TAX1BP1: variants seen among roughly 807,000 people sequenced by gnomAD.
TAX1BP1 encodes the protein Tax1 binding protein 1, also known as tax1-binding protein 1.
In TAX1BP1, 62 loss-of-function variants were observed where a neutral mutation model predicts 97.7. That is an observed-to-expected ratio of 0.63 (90% CI 0.52 to 0.78). The LOEUF is 0.78. TAX1BP1 is among the 30% of genes least tolerant of loss of function. The pLI, the probability that TAX1BP1 is intolerant of heterozygous loss-of-function variation, is 0.00. For missense variants in TAX1BP1, 867 were observed against 916.1 expected, an observed-to-expected ratio of 0.95 and a Z score of 0.69; for synonymous variants, 340 against 304.2, an observed-to-expected ratio of 1.12 and a Z score of -1.23.
At chr7:27,760,393 G>T (rs1199852359) in intron 3 of TAX1BP1, among the ~76,000 whole-genome samples, 1 of 135,510 alleles carries the variant, frequency 7.4e-6, no homozygotes, top group East Asian at 2.3e-4. Flanking sequence ...ATTTATTTTA[G>T]AATTTTTTTT....
At position 27,828,573 on chromosome 7, in the gene TAX1BP1, AGTT is replaced by A. The variant is rs756990457; in HGVS notation, c.2169-48_2169-46del. On this transcript the variant is annotated intron_variant, in intron 16 of 16. Coordinates refer to ENST00000396319, the MANE Select transcript of TAX1BP1 (RefSeq NM_006024.7). Reference sequence around the variant, plus strand: ...AATGGAACCTTGTCATATATGGACAAGTTGTTGTTCTACATTTATTAGAAACAT... The same window carrying A: ...AATGGAACCTTGTCATATATGGACAAGTTGTTCTACATTTATTAGAAACAT... The A allele has an allele frequency of 4.2e-4, 643 of 1,545,362 alleles. 2 individuals carry two copies. Among genetic ancestry groups the A allele is most frequent in the Non-Finnish European group, 5.3e-4 (592 of 1,122,636 alleles).
intron 1 of TAX1BP1, among the ~76,000 whole-genome samples, chr7:27,745,135 A>G (rs141033774): frequency 6.6e-6 from 1 of 152,332 alleles, no homozygotes; most frequent in East Asian, 1.9e-4. Context: ...GAGAAGGGGA[A>G]TCAGAATTTG....
intron 2 of TAX1BP1, among the ~76,000 whole-genome samples, chr7:27,749,117 T>C (rs968639507): frequency 6.6e-6 from 1 of 152,246 alleles, no homozygotes; most frequent in Non-Finnish European, 1.5e-5. Context: ...TACACAGTTT[T>C]AAGAGTATTC....
Position 27,765,871 on chromosome 7 carries a change from G to A in TAX1BP1, c.303G>A (p.Gln101=), listed in dbSNP as rs777668328. ...YLPNDDGEFY[Q]FCYVTHKGEI... is the part of the protein sequence containing the mutation. ...CAAATGATGATGGAGAATTTTATCA[G>A]TTCTGTTACGTTACCCATAAGGGTG... Residue 101 remains glutamine, a synonymous_variant, in exon 4 of 17, where the codon CAG becomes CAA. Transcript: ENST00000396319. The A allele has an allele frequency of 2.5e-6, 4 of 1,614,144 alleles. No homozygotes were observed. Among genetic ancestry groups the A allele is most frequent in the Non-Finnish European group, 2.5e-6 (3 of 1,180,024 alleles).
At chr7:27,783,437 G>A (rs1402693718) in intron 5 of TAX1BP1, among the ~76,000 whole-genome samples, 3 of 152,060 alleles carry the variant, frequency 2.0e-5, no homozygotes, top group Admixed American at 1.3e-4. Flanking sequence ...TTACTTTATC[G>A]TTTTCATGTG....
intron 10 of TAX1BP1, among the ~76,000 whole-genome samples, chr7:27,793,427 GA>G (rs1290848366): frequency 6.6e-6 from 1 of 152,030 alleles, no homozygotes; most frequent in East Asian, 1.9e-4. Flanking sequence ...CAGTAGCAAG[GA>G]AAAAACAGAA....
Position 27,816,402 on chromosome 7 carries a change from T to G in TAX1BP1, c.1818T>G (p.Asn606Lys). 1.9e-6 allele frequency: 3 copies of G among 1,586,270 alleles called. No individual in the cohort carries two copies. The highest frequency in any genetic ancestry group is 2.6e-6 in the Non-Finnish European group (3 of 1,172,422). Reference protein sequence around the residue: ...NPAERKMEGQNSQSPQCFKTC... With the variant: ...NPAERKMEGQKSQSPQCFKTC... Reference sequence around the variant, plus strand: ...CAGAAAGGAAAATGGAAGGTCAGAATTCCCAGAGTCCTCAATGTTTCAAAA... The same window carrying G: ...CAGAAAGGAAAATGGAAGGTCAGAAGTCCCAGAGTCCTCAATGTTTCAAAA... The change falls in exon 14 of 17, where the codon AAT (asparagine) becomes AAG (lysine). Residue 606 changes from asparagine to lysine, a missense_variant. This residue lies in a region of TAX1BP1 where 822 missense variants were observed against 851.4 expected (regional missense o/e 0.97). Transcript: ENST00000396319.
Position 27,828,815 on chromosome 7 carries a change from C to T in TAX1BP1, c.2356C>T (p.Leu786=). Residue 786 remains leucine, a synonymous_variant, in exon 17 of 17, where the codon CTA becomes TTA. Coordinates refer to ENST00000396319, the MANE Select transcript of TAX1BP1 (RefSeq NM_006024.7). ...HVQTHFDQNV[L]NFD is the part of the protein sequence containing the mutation. ...GCAGACCCATTTTGATCAGAATGTT[C>T]TAAATTTTGACTAGTTACTTTTTAT... is the stretch of plus-strand genomic sequence containing the variant. 1 of 1,507,204 alleles carries T rather than the reference C, an allele frequency of 6.6e-7. No homozygotes were observed. The highest frequency in any genetic ancestry group is 9.0e-7 in the Non-Finnish European group (1 of 1,112,630). 93.4% of individuals were successfully genotyped at this position (1,507,204 alleles called of 1,614,324 possible). A position where few individuals can be genotyped will look rare whatever the true frequency, so the allele number is the denominator to read the frequency against.
At chr7:27,740,056 G>C (rs925067793), upstream of TAX1BP1, 1 of 152,360 alleles carries the variant, frequency 6.6e-6, no homozygotes, top group African/African-American at 2.4e-5. Context: ...GGCTGGGGGC[G>C]TGTCGTCGCG....
At chr7:27,746,796 G>T (rs758620728) in intron 1 of TAX1BP1, among the ~76,000 whole-genome samples, 1 of 152,118 alleles carries the variant, frequency 6.6e-6, no homozygotes, top group Admixed American at 6.5e-5. Flanking sequence ...TGGTTTCCAG[G>T]TTCATGATTG....
intron 15 of TAX1BP1, among the ~76,000 whole-genome samples, chr7:27,821,432 A>G (rs1790969528): frequency 6.6e-6 from 1 of 151,992 alleles, no homozygotes; most frequent in Admixed American, 6.6e-5. Flanking sequence ...GGAGTTCGAG[A>G]CCAGCCTGGC....
At position 27,744,186 on chromosome 7, in the gene TAX1BP1, G is replaced by C. The variant is rs565554129; in HGVS notation, c.-8+3917G>C. ...GTCACCCAGGCTGGAGTGCAATGGC[G>C]TGATCTCAGCTCACTGCAGGCTCCG... On this transcript the variant is annotated intron_variant, in intron 1 of 16. Coordinates refer to ENST00000396319, the MANE Select transcript of TAX1BP1 (RefSeq NM_006024.7). Among the ~76,000 whole-genome samples, 18 of 152,156 alleles carry C rather than the reference G, an allele frequency of 1.2e-4. No homozygotes were observed. The South Asian group carries it at 3.7e-3, about 32-fold the overall frequency.
At chr7:27,784,443 A>T (rs1441669320) in intron 5 of TAX1BP1, among the ~76,000 whole-genome samples, 5 of 152,232 alleles carry the variant, frequency 3.3e-5, no homozygotes, top group Non-Finnish European at 5.9e-5. Flanking sequence ...GTGTCTTTGA[A>T]TATTTGTTTA....
At chr7:27,776,894 A>C (rs1789054466) in intron 5 of TAX1BP1, among the ~76,000 whole-genome samples, 1 of 151,394 alleles carries the variant, frequency 6.6e-6, no homozygotes. Context: ...AAGTTCACTA[A>C]TCTTTTCTTT....
chr7:27,826,269 C>A (rs535828075), intron 15 of TAX1BP1, among the ~76,000 whole-genome samples: 1 of 152,160 alleles, frequency 6.6e-6, no homozygotes, highest in Non-Finnish European at 1.5e-5. Flanking sequence ...TTATCTGTCC[C>A]GTTTTCCTTT....
chr7:27,770,398 A>T (rs1788798704), intron 5 of TAX1BP1, among the ~76,000 whole-genome samples: 1 of 152,212 alleles, frequency 6.6e-6, no homozygotes, highest in East Asian at 1.9e-4. Context: ...GACTTGTAAG[A>T]AGCCAAAAAC....
intron 5 of TAX1BP1, among the ~76,000 whole-genome samples, chr7:27,771,156 G>A (rs190127340): frequency 5.0e-4 from 30 of 60,260 alleles, no homozygotes; most frequent in Non-Finnish European, 7.0e-4. Flanking sequence ...TTCTCTTGCT[G>A]CTTTGTGTAG....
intron 15 of TAX1BP1, among the ~76,000 whole-genome samples, chr7:27,818,822 T>C (rs1018314140): frequency 5.9e-5 from 9 of 152,150 alleles, no homozygotes; most frequent in African/African-American, 2.2e-4. Context: ...CTGTTACAAC[T>C]TTATAGTGGA....
rs537031094 is a variant in TAX1BP1, at chr7:27,829,512, G to A, written c.*683G>A. ...TATATCTAATGGGAAAATGGAACAA[G>A]AGATGTCAGTATAATTGTTTTCCTA... is the stretch of plus-strand genomic sequence containing the variant. On this transcript the variant is annotated 3_prime_UTR_variant, in exon 17 of 17. Coordinates refer to ENST00000396319, the MANE Select transcript of TAX1BP1 (RefSeq NM_006024.7). 6.6e-6 allele frequency: 1 copy of A among 152,318 alleles called. No individual in the cohort carries two copies. Among genetic ancestry groups the A allele is most frequent in the East Asian group, 1.9e-4 (1 of 5,192 alleles). The allele number at this position is 152,318 out of a possible 1,614,324, so 9.4% of individuals were successfully genotyped here.
Sources: gnomAD v4.1 joint callset for allele counts (sites outside exome capture counted in the v4.1 genomes callset) on GRCh38, gnomAD v4.1.1 for gene constraint, gnomAD v4.1.1 regional missense constraint, MANE v1.5 for transcripts, NCBI Gene and HGNC (gene_info 2026-07-23, HGNC 2026-07-21) for gene names.